The following ESR1 variants were observed in gnomAD, a reference collection of about 807,000 sequenced individuals.
ESR1 encodes estrogen receptor 1, also known as estrogen receptor.
ESR1 carries 12 observed loss-of-function variants against 52.7 expected under a neutral mutation model. The ratio of observed to expected loss-of-function variants is 0.23; its 90% CI spans 0.15 to 0.37. ESR1 has a LOEUF of 0.37. Among genes scored for constraint, ESR1 ranks in the 10% least tolerant of loss-of-function variants. ESR1 has a pLI of 1.00. For synonymous variants in ESR1, 305 were observed against 316.8 expected, an observed-to-expected ratio of 0.96 and a Z score of 0.39; for missense variants, 584 against 779.7, an observed-to-expected ratio of 0.75 and a Z score of 2.99.
At position 152,100,369 on chromosome 6, in the gene ESR1, C is replaced by T. The variant is rs2152509028; in HGVS notation, c.*1403C>T. On this transcript the variant is annotated 3_prime_UTR_variant, in exon 8 of 8. Transcript: ENST00000206249. ...TGCCCTTGGTGGTTTAGAGATAATC[C>T]AAAATCAGGGTTTGGTTTGGGGAAG... 3.0e-6 allele frequency: 1 copy of T among 335,042 alleles called. No individual in the cohort carries two copies. Among genetic ancestry groups the T allele is most frequent in the East Asian group, 4.3e-5 (1 of 23,304 alleles). 20.8% of individuals were successfully genotyped at this position (335,042 alleles called of 1,614,324 possible). A position where few individuals can be genotyped will look rare whatever the true frequency, so the allele number is the denominator to read the frequency against.
At position 152,061,521 on chromosome 6, in the gene ESR1, G is replaced by C. The variant is rs1302754517; in HGVS notation, c.1369+397G>C. On this transcript the variant is annotated intron_variant, in intron 6 of 7. Coordinates refer to ENST00000206249, the MANE Select transcript of ESR1 (RefSeq NM_000125.4). The surrounding 1 kb of genome is among the most constrained non-coding windows in gnomAD (Gnocchi z 4.3). ...CAGGCTCCAGATAGTAAAGAAAGAG[G>C]GTTATTTGAGACAGACCATGTTTCT... 6.6e-6 allele frequency among the ~76,000 whole-genome samples: 1 copy of C among 152,148 alleles called. No homozygotes were observed. The highest frequency in any genetic ancestry group is 1.5e-5 in the Non-Finnish European group (1 of 68,026).
chr6:152,015,389 T>G (rs2043095028), intron 5 of ESR1, among the ~76,000 whole-genome samples: 1 of 152,174 alleles, frequency 6.6e-6, no homozygotes, highest in Admixed American at 6.6e-5. Context: ...TCTTTTCCTT[T>G]TCTAAGTTTC....
At chr6:151,813,346 C>T (rs998668585) in intron 1 of ESR1, 64 of 151,930 alleles carry the variant, frequency 4.2e-4, no homozygotes, top group African/African-American at 1.4e-3. Flanking sequence ...TCTTACAACC[C>T]GCTTGTAAGT....
chr6:151,709,586 G>A (rs1780434419), intron 2 of ESR1, among the ~76,000 whole-genome samples: 1 of 151,900 alleles, frequency 6.6e-6, no homozygotes, highest in Non-Finnish European at 1.5e-5. Flanking sequence ...CTAACAGTGT[G>A]CAAGGGTTCT....
At chr6:152,013,503 T>A (rs1415897486) in intron 5 of ESR1, among the ~76,000 whole-genome samples, 1 of 152,202 alleles carries the variant, frequency 6.6e-6, no homozygotes, top group African/African-American at 2.4e-5. Flanking sequence ...ATTCATAGGG[T>A]ACACAGTGAT....
chr6:151,929,901 C>T (rs115420388), intron 3 of ESR1, among the ~76,000 whole-genome samples: 159 of 151,776 alleles, frequency 1.0e-3, no homozygotes, highest in African/African-American at 3.4e-3. Context: ...TGTTGCCAAA[C>T]GCTTCTTTTT....
intron 2 of ESR1, among the ~76,000 whole-genome samples, chr6:151,870,809 A>G (rs748788784): frequency 6.6e-6 from 1 of 151,364 alleles, no homozygotes; most frequent in Non-Finnish European, 1.5e-5. Flanking sequence ...CCTATTCTTG[A>G]CCCACCCCAT....
chr6:151,946,324 C>G (rs2035696536), intron 4 of ESR1, among the ~76,000 whole-genome samples: 1 of 152,168 alleles, frequency 6.6e-6, no homozygotes, highest in African/African-American at 2.4e-5. Context: ...CAGACATTTT[C>G]ATGTGTATCA....
chr6:151,953,965 T>A (rs2036617257), intron 4 of ESR1, among the ~76,000 whole-genome samples: 1 of 152,220 alleles, frequency 6.6e-6, no homozygotes, highest in East Asian at 1.9e-4. Context: ...AAACTGACTG[T>A]TGATTTTTGG....
chr6:151,996,177 T>G (rs1470784955), intron 4 of ESR1, among the ~76,000 whole-genome samples: 1 of 152,184 alleles, frequency 6.6e-6, no homozygotes, highest in Non-Finnish European at 1.5e-5. Context: ...TGTTTGCATC[T>G]GAAGGACAGG....
In ESR1 at chr6:152,122,653, G is replaced by A. The variant is rs751627369; in HGVS notation, c.851-2613G>A. 4 of 1,614,028 alleles carry A rather than the reference G, an allele frequency of 2.5e-6. No homozygotes were observed. Among genetic ancestry groups the A allele is most frequent in the Non-Finnish European group, 3.4e-6 (4 of 1,179,944 alleles). On this transcript the variant is annotated intron_variant, in intron 6 of 6. Transcript: ENST00000427531. Reference sequence around the variant, plus strand: ...ACCTGGCCCTGGCTCAGAAAGGGAGGAATCGGAGCCACCTTTTGTGGACCT... The same window carrying A: ...ACCTGGCCCTGGCTCAGAAAGGGAGAAATCGGAGCCACCTTTTGTGGACCT...
At chr6:151,982,579 G>C (rs60023567) in intron 4 of ESR1, among the ~76,000 whole-genome samples, 2,796 of 151,372 alleles carry the variant, frequency 0.018, 103 homozygotes, top group African/African-American at 0.064. Flanking sequence ...CCGCCTCCCG[G>C]GTTCAAGCCA....
chr6:152,077,916 A>G (rs1012310888), intron 6 of ESR1, among the ~76,000 whole-genome samples: 1 of 152,110 alleles, frequency 6.6e-6, no homozygotes, highest in African/African-American at 2.4e-5. Flanking sequence ...GAGACTTTGG[A>G]CTGTGGACTT....
exon 7 of ESR1, chr6:152,129,041 C>T (rs992927356): frequency 6.6e-6 from 1 of 152,158 alleles, no homozygotes; most frequent in Non-Finnish European, 1.5e-5. Flanking sequence ...GTTAATGAAC[C>T]GTGCTGGACA....
intron 2 of ESR1, among the ~76,000 whole-genome samples, chr6:151,767,194 G>A (rs1785127492): frequency 6.6e-6 from 1 of 152,050 alleles, no homozygotes; most frequent in Non-Finnish European, 1.5e-5. Context: ...CCAATCCCAT[G>A]GCCTCAACCA....
chr6:151,908,050 A>G (rs549507301), intron 3 of ESR1, among the ~76,000 whole-genome samples: 1 of 152,322 alleles, frequency 6.6e-6, no homozygotes, highest in African/African-American at 2.4e-5. Context: ...AACAATGGTT[A>G]GCCCTGGGTA....
At chr6:151,870,936 C>T (rs1024210843) in intron 2 of ESR1, among the ~76,000 whole-genome samples, 2 of 151,990 alleles carry the variant, frequency 1.3e-5, no homozygotes, top group African/African-American at 4.8e-5. Context: ...AGGGCAACCT[C>T]GACCTCCTAG....
At chr6:152,115,146 C>T (rs1423299918) in intron 6 of ESR1, among the ~76,000 whole-genome samples, 2 of 152,102 alleles carry the variant, frequency 1.3e-5, no homozygotes, top group Non-Finnish European at 2.9e-5. Flanking sequence ...TTACTATATA[C>T]ACGAGTTTTT....
chr6:152,010,375 T>C (rs1668063375), intron 4 of ESR1, among the ~76,000 whole-genome samples: 1 of 151,938 alleles, frequency 6.6e-6, no homozygotes, highest in Non-Finnish European at 1.5e-5. Context: ...AAGTGTAATA[T>C]TCATGAGAGA....
Sources: gnomAD v4.1 joint callset for allele counts (sites outside exome capture counted in the v4.1 genomes callset) on GRCh38, gnomAD v4.1.1 for gene constraint, Gnocchi (gnomAD v3.1) non-coding constraint, MANE v1.5 for transcripts, NCBI Gene and HGNC (gene_info 2026-07-23, HGNC 2026-07-21) for gene names.